Variants in ABCG2 observed in about 807,000 individuals in gnomAD.
ABCG2 encodes broad substrate specificity ATP-binding cassette transporter ABCG2.
ABCG2 carries 80 observed loss-of-function variants against 73.5 expected under a neutral mutation model. That is an observed-to-expected ratio of 1.09 (90% confidence interval 0.91 to 1.31). The LOEUF (loss-of-function observed/expected upper bound fraction) is 1.31, where lower values mean the gene tolerates loss of function less well. Among genes scored for constraint, ABCG2 ranks in the 50% most tolerant of loss-of-function variants. The probability of loss-of-function intolerance (pLI) is 0.00; values close to 1 mark genes in which losing one functional copy is unlikely to be tolerated. For synonymous variants in ABCG2, 269 were observed against 282.4 expected (o/e 0.95, Z 0.48); for missense variants, 796 against 786.2 (o/e 1.01, Z -0.15).
chr4:88,171,092 G>A (rs1727737496), intron 1 of ABCG2, among the ~76,000 whole-genome samples: 2 of 152,026 alleles, frequency 1.3e-5, no homozygotes, highest in Non-Finnish European at 2.9e-5. Context: ...CACAAAGAAG[G>A]AAACAACAGA....
chr4:88,111,708 A>C (rs1271725502), intron 9 of ABCG2, among the ~76,000 whole-genome samples: 1 of 152,196 alleles, frequency 6.6e-6, no homozygotes, highest in African/African-American at 2.4e-5. Flanking sequence ...TAAAAATAAC[A>C]GCCCCAAAAT....
At chr4:88,191,959 T>C (rs1728708593) in intron 1 of ABCG2, among the ~76,000 whole-genome samples, 1 of 152,124 alleles carries the variant, frequency 6.6e-6, no homozygotes, top group South Asian at 2.1e-4. Flanking sequence ...TTACCTGAGC[T>C]CTGGCATTCG....
chr4:88,204,217 C>T (rs1240457259), intron 1 of ABCG2, among the ~76,000 whole-genome samples: 2 of 151,766 alleles, frequency 1.3e-5, no homozygotes, highest in African/African-American at 4.8e-5. Flanking sequence ...GTCAAAAGAT[C>T]GAGAATATCC....
At chr4:88,122,680 A>C (rs1398755669) in intron 5 of ABCG2, among the ~76,000 whole-genome samples, 3 of 152,184 alleles carry the variant, frequency 2.0e-5, no homozygotes, top group Non-Finnish European at 1.5e-5. Context: ...TATATAGATA[A>C]AACTCCCACC....
chr4:88,162,883 A>G (rs1241741847), upstream of ABCG2, among the ~76,000 whole-genome samples: 2 of 152,152 alleles, frequency 1.3e-5, no homozygotes, highest in Admixed American at 6.5e-5. Context: ...TTATTTTACC[A>G]GGCAAGAGTC....
intron 1 of ABCG2, among the ~76,000 whole-genome samples, chr4:88,180,925 A>G (rs1728208998): frequency 6.6e-6 from 1 of 152,244 alleles, no homozygotes. Context: ...TAGAATGACT[A>G]AAAGATAAAC....
At chr4:88,215,149 G>C (rs1036688014) in intron 1 of ABCG2, among the ~76,000 whole-genome samples, 1 of 152,118 alleles carries the variant, frequency 6.6e-6, no homozygotes, top group African/African-American at 2.4e-5. Flanking sequence ...AAGAAGACTG[G>C]GGAAGAGCTG....
At chr4:88,106,996 C>A (rs560849131) in intron 10 of ABCG2, among the ~76,000 whole-genome samples, 188 bp downstream of exon 10, 1 of 152,112 alleles carries the variant, frequency 6.6e-6, no homozygotes, top group Non-Finnish European at 1.5e-5. Context: ...GAGCTGAGAT[C>A]GCGTCACTGC....
At chr4:88,119,308 A>G (rs1723802320) in intron 6 of ABCG2, among the ~76,000 whole-genome samples, 2 of 152,242 alleles carry the variant, frequency 1.3e-5, no homozygotes, top group Non-Finnish European at 2.9e-5. Flanking sequence ...AGCCTCAGGT[A>G]TGTCTTTATT....
intron 1 of ABCG2, among the ~76,000 whole-genome samples, chr4:88,184,635 C>A (rs567842909): frequency 1.3e-5 from 2 of 152,206 alleles, no homozygotes; most frequent in South Asian, 4.1e-4. Context: ...CCAAAGAAAT[C>A]TACAGATTCA....
intron 1 of ABCG2, among the ~76,000 whole-genome samples, chr4:88,156,370 CAAAA>C (rs56029010): frequency 8.7e-5 from 6 of 69,092 alleles, no homozygotes; most frequent in East Asian, 8.3e-4. Flanking sequence ...GACTCCGTCT[CAAAA>C]AAAAAAAAAA....
intron 1 of ABCG2, among the ~76,000 whole-genome samples, chr4:88,186,114 G>A (rs1446577412): frequency 2.6e-5 from 4 of 152,168 alleles, no homozygotes; most frequent in African/African-American, 7.2e-5. Flanking sequence ...AACAGCCTAA[G>A]TGTCCATCAG....
intron 1 of ABCG2, among the ~76,000 whole-genome samples, chr4:88,150,646 C>T (rs1726402600): frequency 6.6e-6 from 1 of 152,188 alleles, no homozygotes; most frequent in Admixed American, 6.5e-5. Context: ...CTAACATTAA[C>T]AACAGCTGAT....
intron 1 of ABCG2, among the ~76,000 whole-genome samples, chr4:88,215,870 C>T (rs141552198): frequency 1.3e-5 from 2 of 152,288 alleles, no homozygotes; most frequent in Admixed American, 6.5e-5. Flanking sequence ...CCAAATTGTG[C>T]GTTGTACCTA....
chr4:88,132,899 T>A (rs1560698376), intron 2 of ABCG2, among the ~76,000 whole-genome samples: 1 of 151,768 alleles, frequency 6.6e-6, no homozygotes, highest in Middle Eastern at 3.4e-3. Flanking sequence ...GGAGACACTG[T>A]CTCTACTTAA....
At chr4:88,141,006 T>C (rs1578221268) in intron 1 of ABCG2, among the ~76,000 whole-genome samples, 2 of 152,312 alleles carry the variant, frequency 1.3e-5, no homozygotes, top group Middle Eastern at 6.8e-3. Flanking sequence ...AAAAGATTTA[T>C]TTGAGTAAGA....
chr4:88,104,852 TA>T (rs1351137294), intron 10 of ABCG2, among the ~76,000 whole-genome samples: 1 of 152,164 alleles, frequency 6.6e-6, no homozygotes, highest in South Asian at 2.1e-4. Flanking sequence ...AAGAAACACC[TA>T]AAGTTCTTCT....
At chr4:88,098,793 G>C in intron 12 of ABCG2, among the ~76,000 whole-genome samples, 1 of 152,120 alleles carries the variant, frequency 6.6e-6, no homozygotes, top group East Asian at 1.9e-4. Context: ...GCATCTCTCA[G>C]TAAAGTGTAG....
At chr4:88,152,785 G>C (rs1252151317) in intron 1 of ABCG2, among the ~76,000 whole-genome samples, 1 of 152,060 alleles carries the variant, frequency 6.6e-6, no homozygotes, top group African/African-American at 2.4e-5. Context: ...AAAGTGTTGG[G>C]GTGGTGAAAA....
Sources: gnomAD v4.1 joint callset for allele counts (sites outside exome capture counted in the v4.1 genomes callset) on GRCh38, gnomAD v4.1.1 for gene constraint, MANE v1.5 for transcripts, NCBI Gene and HGNC (gene_info 2026-07-23, HGNC 2026-07-21) for gene names.